SPAG17: variants seen among roughly 807,000 people sequenced by gnomAD.
SPAG17 encodes sperm-associated antigen 17.
SPAG17 carries 169 observed loss-of-function variants against 273.6 expected under a neutral mutation model. The observed-to-expected ratio is 0.62, with a 90% CI of 0.55 to 0.70. The LOEUF is 0.70. Among genes scored for constraint, SPAG17 ranks in the 30% least tolerant of loss-of-function variants. The probability of loss-of-function intolerance (pLI) is 0.00; values close to 1 mark genes in which losing one functional copy is unlikely to be tolerated. For missense variants in SPAG17, 2,557 were observed against 2,627.8 expected, an observed-to-expected ratio of 0.97 and a Z score of 0.59; for synonymous variants, 825 against 873.2, an observed-to-expected ratio of 0.94 and a Z score of 0.97.
intron 20 of SPAG17, among the ~76,000 whole-genome samples, chr1:118,050,662 T>C (rs977489205): frequency 1.3e-5 from 2 of 152,122 alleles, no homozygotes; most frequent in African/African-American, 4.8e-5. Context: ...AGTTTTTCAA[T>C]AAATGGTGCT....
chr1:117,988,968 G>T (rs146337881), intron 38 of SPAG17, among the ~76,000 whole-genome samples: 1 of 152,190 alleles, frequency 6.6e-6, no homozygotes, highest in East Asian at 1.9e-4. Flanking sequence ...TCCTGGAACT[G>T]TTTGTTTAAA....
chr1:118,165,084 A>C (rs1487596133), intron 1 of SPAG17, among the ~76,000 whole-genome samples: 1 of 152,090 alleles, frequency 6.6e-6, no homozygotes, highest in Non-Finnish European at 1.5e-5. Flanking sequence ...GCCTATGAAA[A>C]CTTAGTGTCT....
At chr1:117,974,399 T>C (rs1220585578) in intron 43 of SPAG17, among the ~76,000 whole-genome samples, 6 of 152,102 alleles carry the variant, frequency 3.9e-5, no homozygotes, top group Non-Finnish European at 8.8e-5. Flanking sequence ...AAAAATAAGA[T>C]TCTAAGAAGT....
chr1:118,002,688 C>T (rs147658586), intron 32 of SPAG17, among the ~76,000 whole-genome samples: 9,956 of 152,040 alleles, frequency 0.065, 528 homozygotes, highest in East Asian at 0.31. Flanking sequence ...GTAGATCTTC[C>T]TCTATCCCTT....
At chr1:118,043,726 A>G (rs74113541) in intron 20 of SPAG17, among the ~76,000 whole-genome samples, 3,357 of 152,294 alleles carry the variant, frequency 0.022, 119 homozygotes, top group African/African-American at 0.074. Context: ...TAAGGAAGTG[A>G]TGGAGATCAT....
intron 20 of SPAG17, 55 bp from the exon 21 acceptor site, chr1:118,042,097 T>G: frequency 6.4e-7 from 1 of 1,563,198 alleles, no homozygotes; most frequent in Non-Finnish European, 8.6e-7. Flanking sequence ...AAACATAGGT[T>G]CCATTCAGGT....
intron 48 of SPAG17, chr1:117,960,604 C>G: frequency 6.6e-6 from 1 of 152,306 alleles, no homozygotes; most frequent in Non-Finnish European, 1.5e-5. Context: ...ATGAGTTGTT[C>G]ATGCACAGGT....
At chr1:118,093,404 C>A in intron 7 of SPAG17, 87 bp from the exon 8 acceptor site, 1 of 1,321,450 alleles carries the variant, frequency 7.6e-7, no homozygotes, top group Non-Finnish European at 1.0e-6. Flanking sequence ...AACAGTTATG[C>A]CCATCAACTT....
intron 18 of SPAG17, among the ~76,000 whole-genome samples, chr1:118,060,567 A>C (rs973733341): frequency 1.3e-5 from 2 of 152,208 alleles, no homozygotes; most frequent in African/African-American, 4.8e-5. Flanking sequence ...ATGAAACACC[A>C]TTACAGTATT....
At chr1:118,002,332 A>G (rs1163992504) in intron 32 of SPAG17, among the ~76,000 whole-genome samples, 1 of 152,206 alleles carries the variant, frequency 6.6e-6, no homozygotes, top group Non-Finnish European at 1.5e-5. Flanking sequence ...GTAGATGTCT[A>G]TTAGTTCTGC....
chr1:118,040,063 G>T (rs563139752), intron 22 of SPAG17, among the ~76,000 whole-genome samples: 1 of 152,092 alleles, frequency 6.6e-6, no homozygotes, highest in Non-Finnish European at 1.5e-5. Context: ...TAAAAATTAT[G>T]TTATAGTAGC....
rs144147243 is a variant in SPAG17, at chr1:117,966,743, C to T, written c.6398G>A (p.Gly2133Asp). Residue 2133 changes from glycine (G) to aspartate (D), a missense_variant, in exon 47 of 49, where the codon GGT becomes GAT. Physicochemically the swap from Gly to Asp is moderately conservative, Grantham distance 94. Transcript: ENST00000336338. Reference protein sequence around the residue: ...VTYKPGPVAAGMQTELNIELF... With the variant: ...VTYKPGPVAADMQTELNIELF... ...CTCTATATTCAGTTCTGTCTGCATACCAGCTGCCACCTATAAGACACAAGG... is the reference window on the plus strand; with the variant it reads ...CTCTATATTCAGTTCTGTCTGCATATCAGCTGCCACCTATAAGACACAAGG... The T allele has an allele frequency of 3.7e-5, 59 of 1,609,922 alleles. No individual in the cohort carries two copies. Among genetic ancestry groups the T allele is most frequent in the Non-Finnish European group, 4.8e-5 (56 of 1,178,690 alleles).
At chr1:118,164,885 C>A (rs1194761189) in intron 1 of SPAG17, among the ~76,000 whole-genome samples, 11 of 152,300 alleles carry the variant, frequency 7.2e-5, no homozygotes, top group African/African-American at 2.2e-4. Flanking sequence ...TGAGGAATAA[C>A]CATTGTGTAA....
intron 1 of SPAG17, among the ~76,000 whole-genome samples, chr1:118,174,448 A>AT: frequency 6.6e-6 from 1 of 152,188 alleles, no homozygotes; most frequent in South Asian, 2.1e-4. Flanking sequence ...AGAAAAAAGT[A>AT]TGAAGAAAAG....
At chr1:118,052,483 A>AT (rs1405435243) in intron 20 of SPAG17, among the ~76,000 whole-genome samples, 5 of 151,978 alleles carry the variant, frequency 3.3e-5, no homozygotes, top group African/African-American at 4.8e-5. Flanking sequence ...ATTGTACAAC[A>AT]TGATGACTAT....
At chr1:118,149,710 C>A (rs966340665) in intron 3 of SPAG17, among the ~76,000 whole-genome samples, 1 of 152,188 alleles carries the variant, frequency 6.6e-6, no homozygotes, top group Admixed American at 6.5e-5. Flanking sequence ...AGACCTGAGA[C>A]ACATAAAAAC....
chr1:118,085,193 CT>C lies in SPAG17; in HGVS notation c.1762+728del, dbSNP rs112708602. ...AAATTCAGATTATCTCGATCCTCTT[CT>C]TTTTTTTTCTTCTCTAATTAAAAAA... On this transcript the variant is annotated intron_variant, in intron 13 of 48. Coordinates refer to ENST00000336338, the MANE Select transcript of SPAG17 (RefSeq NM_206996.4). Among the ~76,000 whole-genome samples, 31 of 151,568 alleles carry C rather than the reference CT, an allele frequency of 2.0e-4. 1 individual carries two copies. The South Asian group carries it at 5.6e-3, about 28-fold the overall frequency.
At chr1:118,025,563 A>T (rs763909198) in intron 26 of SPAG17, 147 bp from the exon 27 acceptor site, 42 of 643,756 alleles carry the variant, frequency 6.5e-5, no homozygotes, top group Non-Finnish European at 8.9e-5. Context: ...GCTGGAGTGC[A>T]ATGGTGCAAT....
intron 1 of SPAG17, among the ~76,000 whole-genome samples, chr1:118,154,403 A>G (rs1470948582): frequency 1.3e-5 from 2 of 152,192 alleles, no homozygotes; most frequent in Non-Finnish European, 2.9e-5. Flanking sequence ...GGATGCACTC[A>G]TTGTGAGCTG....
Sources: allele counts gnomAD v4.1 joint callset (sites outside exome capture counted in the v4.1 genomes callset), GRCh38; gene constraint gnomAD v4.1.1; transcripts MANE v1.5; gene names NCBI Gene and HGNC (gene_info 2026-07-23, HGNC 2026-07-21).